PLXDC1: variants seen among roughly 807,000 people sequenced by gnomAD.
PLXDC1 encodes plexin domain-containing protein 1.
A neutral mutation model predicts 61.3 loss-of-function variants in PLXDC1; 39 were observed. That is an observed-to-expected ratio of 0.64 (90% CI 0.49 to 0.83). PLXDC1 has a LOEUF of 0.83. Among genes scored for constraint, PLXDC1 ranks in the 40% least tolerant of loss-of-function variants. The pLI is 0.00. For missense variants in PLXDC1, 596 were observed against 666.5 expected (o/e 0.89, Z 1.17); for synonymous variants, 212 against 254.5 (o/e 0.83, Z 1.59).
chr17:39,151,305 T>G lies in PLXDC1; in HGVS notation c.76+57A>C. On this transcript the variant is annotated intron_variant, in intron 1 of 13. Transcript: ENST00000315392. The surrounding 1 kb of genome is among the most constrained non-coding windows in gnomAD (Gnocchi z 5.2). ...GTCCACACCTGCCCATGCCCACACC[T>G]GACTGCCCGTCCCTCCCCGCCCCCG... The G allele has an allele frequency of 8.2e-7, 1 of 1,222,994 alleles. No individual in the cohort carries two copies. The highest frequency in any genetic ancestry group is 3.2e-5 in the East Asian group (1 of 31,642). The allele number at this position is 1,222,994 out of a possible 1,614,324, so 75.8% of individuals were successfully genotyped here.
chr17:39,083,915 C>A (rs185255580), intron 8 of PLXDC1, among the ~76,000 whole-genome samples: 60 of 152,276 alleles, frequency 3.9e-4, no homozygotes, highest in African/African-American at 1.4e-3. Flanking sequence ...CTCGCTTCCT[C>A]CCTCCCTAGC....
At chr17:39,148,355 C>T (rs1324168005) in intron 1 of PLXDC1, among the ~76,000 whole-genome samples, 2 of 152,084 alleles carry the variant, frequency 1.3e-5, no homozygotes, top group Non-Finnish European at 2.9e-5. Flanking sequence ...AGGCGCACAC[C>T]GCCATGCCCA....
chr17:39,112,451 T>C (rs1223225202), intron 2 of PLXDC1, among the ~76,000 whole-genome samples: 2 of 116,948 alleles, frequency 1.7e-5, no homozygotes, highest in African/African-American at 7.0e-5. Flanking sequence ...ATCTTTTTTT[T>C]TCTTTCTTTT....
intron 9 of PLXDC1, chr17:39,079,380 C>T (rs1909466390): frequency 3.3e-6 from 2 of 597,412 alleles, no homozygotes; most frequent in South Asian, 1.5e-5. Context: ...AGGACCAAGG[C>T]CACATCTGCC....
chr17:39,107,785 C>T, intron 5 of PLXDC1: 2 of 574,978 alleles, frequency 3.5e-6, no homozygotes, highest in South Asian at 2.1e-5. Flanking sequence ...TCTATTCTGA[C>T]TCCTTGAGAT....
chr17:39,132,877 C>A (rs1305157190), intron 2 of PLXDC1, among the ~76,000 whole-genome samples: 1 of 152,120 alleles, frequency 6.6e-6, no homozygotes. Context: ...TGATATGGCC[C>A]CAGAGCAGAG....
At chr17:39,097,919 A>C (rs1910274146) in intron 7 of PLXDC1, among the ~76,000 whole-genome samples, 1 of 149,602 alleles carries the variant, frequency 6.7e-6, no homozygotes, top group Non-Finnish European at 1.5e-5. Flanking sequence ...AAAAAAAAAA[A>C]AAAGGCCAGG....
At chr17:39,106,930 G>T (rs539813731) in intron 6 of PLXDC1, among the ~76,000 whole-genome samples, 1 of 152,006 alleles carries the variant, frequency 6.6e-6, no homozygotes, top group South Asian at 2.1e-4. Flanking sequence ...GGGTTTGCAG[G>T]TGTGAGCCAC....
chr17:39,126,275 A>G (rs190349603), intron 2 of PLXDC1, among the ~76,000 whole-genome samples: 6 of 152,120 alleles, frequency 3.9e-5, no homozygotes, highest in Admixed American at 2.0e-4. Context: ...AAAAAAACCA[A>G]CATACAAACA....
chr17:39,088,596 G>A (rs562605338), intron 7 of PLXDC1, among the ~76,000 whole-genome samples: 1 of 152,062 alleles, frequency 6.6e-6, no homozygotes, highest in South Asian at 2.1e-4. Context: ...TCTAGGCCAC[G>A]ATACCCACCC....
chr17:39,092,808 G>GC, intron 7 of PLXDC1, among the ~76,000 whole-genome samples: 1 of 152,330 alleles, frequency 6.6e-6, no homozygotes, highest in South Asian at 2.1e-4. Flanking sequence ...TTTAACAACT[G>GC]CCTGGGGGCT....
chr17:39,097,625 G>A (rs1487525168), intron 7 of PLXDC1, among the ~76,000 whole-genome samples: 1 of 151,994 alleles, frequency 6.6e-6, no homozygotes, highest in Admixed American at 6.6e-5. Context: ...GCTCACATCT[G>A]TAATCCAGTG....
At chr17:39,146,812 C>T (rs1048120499) in intron 1 of PLXDC1, among the ~76,000 whole-genome samples, 1 of 150,192 alleles carries the variant, frequency 6.7e-6, no homozygotes, top group Non-Finnish European at 1.5e-5. Context: ...GCTATGATCA[C>T]ACCACTGCAC....
chr17:39,142,044 G>A (rs187502633), intron 1 of PLXDC1, among the ~76,000 whole-genome samples: 82 of 152,218 alleles, frequency 5.4e-4, no homozygotes, highest in African/African-American at 1.6e-3. Flanking sequence ...TGCGGGAACT[G>A]TCCAGTGCTC....
Position 39,108,247 on chromosome 17 carries a change from T to C in PLXDC1, c.470-2A>G, listed in dbSNP as rs1290125037. 1 of 1,613,594 alleles carries C rather than the reference T, an allele frequency of 6.2e-7. No individual in the cohort carries two copies. The highest frequency in any genetic ancestry group is 1.3e-5 in the African/African-American group (1 of 74,896). ...TCACGTCCCCCATGAAGATGAAGCC[T>C]AGGGTGGGAGAGGTGCAGAGGAGTC... On this transcript the variant is annotated splice_acceptor_variant, in intron 4 of 13. Transcript: ENST00000315392. LOFTEE classifies it high-confidence loss of function.
chr17:39,101,403 T>C (rs1729504902), intron 7 of PLXDC1, among the ~76,000 whole-genome samples: 1 of 152,008 alleles, frequency 6.6e-6, no homozygotes, highest in Non-Finnish European at 1.5e-5. Context: ...AGCCATGTGG[T>C]ATGGGTGGCA....
chr17:39,123,931 C>A (rs1274767550), intron 2 of PLXDC1, among the ~76,000 whole-genome samples: 5 of 152,144 alleles, frequency 3.3e-5, no homozygotes, highest in Admixed American at 3.3e-4. Flanking sequence ...CCAGGCTGGT[C>A]AGGATGGTGC....
At position 39,151,324 on chromosome 17, in the gene PLXDC1, G is replaced by GC; in HGVS notation, c.76+37dup. ...CACACCTGACTGCCCGTCCCTCCCC[G>GC]CCCCCGGCCCACCCGGGCCGGCTCC... On this transcript the variant is annotated intron_variant, in intron 1 of 13. Transcript: ENST00000315392. This position sits in a 1 kb window ranked among gnomAD's most constrained non-coding sequence, Gnocchi z 5.2. 8.0e-7 allele frequency: 1 copy of GC among 1,255,554 alleles called. No individual in the cohort carries two copies. Among genetic ancestry groups the GC allele is most frequent in the Non-Finnish European group, 1.0e-6 (1 of 997,336 alleles). The allele number at this position is 1,255,554 out of a possible 1,614,324, so 77.8% of individuals were successfully genotyped here.
In PLXDC1 at chr17:39,148,819, C is replaced by T. The variant is rs111680414; in HGVS notation, c.76+2543G>A. Among the ~76,000 whole-genome samples, 966 of 152,266 alleles carry T rather than the reference C, an allele frequency of 6.3e-3. 4 individuals carry two copies. Among genetic ancestry groups the T allele is most frequent in the Admixed American group, 9.4e-3 (144 of 15,296 alleles). The stretch of plus-strand genomic sequence containing the variant: ...TCTAAAGCTATCCTCCCACCTCAGC[C>T]TCCCAAAGTGTTAGGATCACAAGCA... On this transcript the variant is annotated intron_variant, in intron 1 of 13. Transcript: ENST00000315392.
Sources: allele counts gnomAD v4.1 joint callset (sites outside exome capture counted in the v4.1 genomes callset), GRCh38; gene constraint gnomAD v4.1.1; non-coding constraint Gnocchi (gnomAD v3.1); transcripts MANE v1.5; gene names NCBI Gene and HGNC (gene_info 2026-07-23, HGNC 2026-07-21).